The following NCKAP5 variants were observed in gnomAD, a reference collection of about 807,000 sequenced individuals.
NCKAP5 encodes the protein NCK associated protein 5, also known as nck-associated protein 5.
NCKAP5 carries 92 observed loss-of-function variants against 167.0 expected under a neutral mutation model. The ratio of observed to expected loss-of-function variants is 0.55; its 90% CI spans 0.47 to 0.66. The LOEUF (loss-of-function observed/expected upper bound fraction) is 0.66, where lower values mean the gene tolerates loss of function less well. Ranked by LOEUF, NCKAP5 falls within the 30% of genes least tolerant of loss-of-function variation. The pLI, the probability that NCKAP5 is intolerant of heterozygous loss-of-function variation, is 0.00. For missense variants in NCKAP5, 2,378 were observed against 2,315.0 expected, an observed-to-expected ratio of 1.03 and a Z score of -0.56; for synonymous variants, 891 against 877.4, an observed-to-expected ratio of 1.02 and a Z score of -0.27.
intron 5 of NCKAP5, among the ~76,000 whole-genome samples, chr2:133,207,539 A>G (rs2086008354): frequency 6.6e-6 from 1 of 152,190 alleles, no homozygotes; most frequent in African/African-American, 2.4e-5. Context: ...GAACCAGGTG[A>G]CCTTGGAAAA....
chr2:133,250,180 C>G (rs949903987), intron 4 of NCKAP5, among the ~76,000 whole-genome samples: 3 of 152,004 alleles, frequency 2.0e-5, no homozygotes, highest in Non-Finnish European at 2.9e-5. Context: ...TTTCAATGAA[C>G]AGATATTCCC....
chr2:132,765,580 C>T (rs1190286577), intron 16 of NCKAP5, among the ~76,000 whole-genome samples: 1 of 100,968 alleles, frequency 9.9e-6, no homozygotes, highest in Non-Finnish European at 2.0e-5. Context: ...AGGCATGAGC[C>T]ACCGTGCCCG....
intron 3 of NCKAP5, among the ~76,000 whole-genome samples, chr2:133,328,161 G>A (rs937155451): frequency 3.9e-5 from 6 of 152,302 alleles, no homozygotes; most frequent in South Asian, 2.1e-4. Context: ...TCATCCCAAC[G>A]TGCTGACTCC....
chr2:133,500,994 G>A (rs72846387), intron 3 of NCKAP5, among the ~76,000 whole-genome samples: 15,446 of 152,138 alleles, frequency 0.1, 769 homozygotes, highest in Admixed American at 0.12. Flanking sequence ...TTCCTTCTTC[G>A]TTAGTATTCC....
At chr2:132,786,862 C>A (rs1433774539) in intron 13 of NCKAP5, among the ~76,000 whole-genome samples, 1 of 152,142 alleles carries the variant, frequency 6.6e-6, no homozygotes, top group Non-Finnish European at 1.5e-5. Context: ...TCAAAAGTGG[C>A]AGTGAGGGGA....
At chr2:133,271,304 C>T (rs1293105873) in intron 4 of NCKAP5, among the ~76,000 whole-genome samples, 1 of 152,010 alleles carries the variant, frequency 6.6e-6, no homozygotes, top group Non-Finnish European at 1.5e-5. Flanking sequence ...AACCTGGACA[C>T]CCTCCAACAG....
intron 6 of NCKAP5, among the ~76,000 whole-genome samples, chr2:133,010,178 T>C (rs1430220816): frequency 6.6e-6 from 1 of 152,176 alleles, no homozygotes; most frequent in Non-Finnish European, 1.5e-5. Flanking sequence ...GAAAGGGAAT[T>C]TTCAAACATA....
At chr2:133,657,264 A>G in the NCKAP5 span, among the ~76,000 whole-genome samples, 4 of 152,126 alleles carry the variant, frequency 2.6e-5, no homozygotes, top group Non-Finnish European at 5.9e-5. Flanking sequence ...GCCCCTCTGT[A>G]ACTAGGATCA....
chr2:133,361,749 A>C (rs1013240716), intron 3 of NCKAP5, among the ~76,000 whole-genome samples: 5 of 152,248 alleles, frequency 3.3e-5, no homozygotes, highest in African/African-American at 1.2e-4. Context: ...CAGGACAGCC[A>C]AACTCAGAAG....
At chr2:133,234,160 G>C (rs1323249399) in intron 4 of NCKAP5, among the ~76,000 whole-genome samples, 1 of 152,172 alleles carries the variant, frequency 6.6e-6, no homozygotes, top group Non-Finnish European at 1.5e-5. Flanking sequence ...TGTCAGGAAG[G>C]GAGACTCTTA....
chr2:133,134,312 G>A (rs2082710307), intron 5 of NCKAP5, among the ~76,000 whole-genome samples: 2 of 152,188 alleles, frequency 1.3e-5, no homozygotes, highest in African/African-American at 4.8e-5. Context: ...CATATTTATT[G>A]TAGTATTTAT....
chr2:133,022,883 A>T (rs940252697), intron 6 of NCKAP5, among the ~76,000 whole-genome samples: 3 of 152,170 alleles, frequency 2.0e-5, no homozygotes, highest in African/African-American at 7.2e-5. Context: ...TACACTAGCA[A>T]ACTCTGTATT....
At chr2:133,640,788 T>A in the NCKAP5 span, among the ~76,000 whole-genome samples, 1 of 152,236 alleles carries the variant, frequency 6.6e-6, no homozygotes, top group African/African-American at 2.4e-5. Context: ...ATTACTGTGC[T>A]TAAATGGCTC....
At chr2:132,833,586 C>T (rs1319027862) in intron 11 of NCKAP5, among the ~76,000 whole-genome samples, 1 of 152,148 alleles carries the variant, frequency 6.6e-6, no homozygotes, top group African/African-American at 2.4e-5. Context: ...AAATGGCAAT[C>T]CAATTTTCCC....
At chr2:133,280,000 A>C (rs1450147984) in intron 4 of NCKAP5, among the ~76,000 whole-genome samples, 3 of 152,174 alleles carry the variant, frequency 2.0e-5, no homozygotes. Flanking sequence ...CATCTTCTAG[A>C]TATTTTATTA....
chr2:133,363,806 A>G (rs1488769128), intron 3 of NCKAP5, among the ~76,000 whole-genome samples: 1 of 152,128 alleles, frequency 6.6e-6, no homozygotes, highest in Non-Finnish European at 1.5e-5. Flanking sequence ...AGTAGTAATT[A>G]TACCTCGCTT....
chr2:132,816,613 A>G (rs1172145196), intron 11 of NCKAP5, among the ~76,000 whole-genome samples: 1 of 151,974 alleles, frequency 6.6e-6, no homozygotes, highest in African/African-American at 2.4e-5. Flanking sequence ...GTGTCTTCAT[A>G]TTCTTCCCTC....
intron 3 of NCKAP5, among the ~76,000 whole-genome samples, chr2:133,512,999 TCC>T (rs767591407): frequency 1.3e-5 from 2 of 152,124 alleles, no homozygotes; most frequent in Non-Finnish European, 2.9e-5. Flanking sequence ...TAGGACAGCT[TCC>T]CTAGATAAAC....
chr2:133,066,486 G>A (rs2080200478), intron 6 of NCKAP5, among the ~76,000 whole-genome samples: 1 of 152,154 alleles, frequency 6.6e-6, no homozygotes, highest in Admixed American at 6.5e-5. Context: ...GAAATTATAT[G>A]TGTTTCAAAA....
Sources: allele counts gnomAD v4.1 joint callset (sites outside exome capture counted in the v4.1 genomes callset), GRCh38; gene constraint gnomAD v4.1.1; transcripts MANE v1.5; gene names NCBI Gene and HGNC (gene_info 2026-07-23, HGNC 2026-07-21).